The following KCNIP1 variants were observed in gnomAD, a reference collection of about 807,000 sequenced individuals.
The protein encoded by KCNIP1 is A-type potassium channel modulatory protein KCNIP1.
A neutral mutation model predicts 33.0 loss-of-function variants in KCNIP1; 18 were observed. The ratio of observed to expected loss-of-function variants is 0.55; its 90% CI spans 0.38 to 0.81. The LOEUF (loss-of-function observed/expected upper bound fraction) is 0.81. Among genes scored for constraint, KCNIP1 ranks in the 30% least tolerant of loss-of-function variants. KCNIP1 has a pLI of 0.00. For synonymous variants in KCNIP1, 93 were observed against 98.3 expected (o/e 0.95, Z 0.32); for missense variants, 238 against 271.6 (o/e 0.88, Z 0.87).
intron 1 of KCNIP1, among the ~76,000 whole-genome samples, chr5:170,705,481 G>T (rs1763228204): frequency 6.6e-6 from 1 of 152,180 alleles, no homozygotes; most frequent in Admixed American, 6.5e-5. Context: ...GCCAGAGCCA[G>T]GAAATGTCCT....
intron 1 of KCNIP1, among the ~76,000 whole-genome samples, chr5:170,515,008 G>A (rs771592969): frequency 4.6e-5 from 7 of 152,158 alleles, no homozygotes; most frequent in Non-Finnish European, 8.8e-5. Flanking sequence ...CTCACACTAT[G>A]AGAGACAGGC....
At chr5:170,367,951 TG>T (rs2113301692) in intron 1 of KCNIP1, among the ~76,000 whole-genome samples, 1 of 152,338 alleles carries the variant, frequency 6.6e-6, no homozygotes, top group East Asian at 1.9e-4. Context: ...TTTATAACAG[TG>T]AAAAACTGGA....
chr5:170,563,335 C>T lies in KCNIP1; in HGVS notation c.61+58702C>T, dbSNP rs1757098109. ...GTTGCTCAGTTTATTGGAATTACAT[C>T]CCAGTGGCTGCTATTGATGGAACTG... On this transcript the variant is annotated intron_variant, in intron 1 of 7. Transcript: ENST00000328939. Among the ~76,000 whole-genome samples the T allele has an allele frequency of 2.6e-5, 4 of 152,178 alleles. 1 individual carries two copies. The South Asian group carries it at 8.3e-4, about 32-fold the overall frequency.
chr5:170,711,456 C>A lies in KCNIP1; in HGVS notation c.62-7302C>A, dbSNP rs536097876. Among the ~76,000 whole-genome samples, 287 of 152,338 alleles carry A rather than the reference C, an allele frequency of 1.9e-3. 2 individuals carry two copies. Among genetic ancestry groups the A allele is most frequent in the Non-Finnish European group, 1.2e-3 (85 of 68,034 alleles). ...TACCAAAGCATTCAGGGTAGTGAAA[C>A]TATTCTGCGTAATGCTGTAACAGTG... On this transcript the variant is annotated intron_variant, in intron 1 of 7. Transcript: ENST00000328939.
At chr5:170,714,061 C>A (rs755302840) in intron 1 of KCNIP1, among the ~76,000 whole-genome samples, 1 of 151,784 alleles carries the variant, frequency 6.6e-6, no homozygotes, top group Non-Finnish European at 1.5e-5. Context: ...AGTATAAAGT[C>A]CAAATCAGAG....
At chr5:170,440,140 G>GAC (rs1176802137) in intron 1 of KCNIP1, among the ~76,000 whole-genome samples, 1 of 152,192 alleles carries the variant, frequency 6.6e-6, no homozygotes, top group Admixed American at 6.5e-5. Flanking sequence ...ACCACGTGAA[G>GAC]ACACGGAGAA....
At chr5:170,428,980 G>A (rs1755679758) in intron 1 of KCNIP1, among the ~76,000 whole-genome samples, 1 of 152,060 alleles carries the variant, frequency 6.6e-6, no homozygotes, top group South Asian at 2.1e-4. Context: ...ATAGCCTGAA[G>A]TGTTCAGAAC....
chr5:170,723,022 A>G (rs142042872), intron 5 of KCNIP1, among the ~76,000 whole-genome samples: 1 of 152,272 alleles, frequency 6.6e-6, no homozygotes, highest in East Asian at 1.9e-4. Flanking sequence ...AGAAAGGATT[A>G]AACAGATTCA....
chr5:170,728,889 A>G (rs1195616548), intron 5 of KCNIP1, among the ~76,000 whole-genome samples: 1 of 152,114 alleles, frequency 6.6e-6, no homozygotes, highest in Non-Finnish European at 1.5e-5. Context: ...GTTCTACCAG[A>G]TACTGAAATA....
At chr5:170,624,522 CTCCTA>C (rs1376522516) in intron 1 of KCNIP1, among the ~76,000 whole-genome samples, 2 of 151,996 alleles carry the variant, frequency 1.3e-5, no homozygotes, top group Non-Finnish European at 2.9e-5. Context: ...TCTGGCTATT[CTCCTA>C]TATTTCTGAT....
At chr5:170,411,641 T>TC (rs34173556) in intron 1 of KCNIP1, among the ~76,000 whole-genome samples, 2 of 151,534 alleles carry the variant, frequency 1.3e-5, no homozygotes, top group South Asian at 2.1e-4. Flanking sequence ...CATGATTATA[T>TC]CCCCCCAACA....
chr5:170,384,754 T>C (rs552326279), intron 1 of KCNIP1, among the ~76,000 whole-genome samples: 2 of 152,330 alleles, frequency 1.3e-5, no homozygotes, highest in African/African-American at 4.8e-5. Flanking sequence ...GTGGTTGATA[T>C]GTCATGGAGC....
chr5:170,381,467 A>G (rs1764237122), intron 1 of KCNIP1, among the ~76,000 whole-genome samples: 1 of 152,216 alleles, frequency 6.6e-6, no homozygotes, highest in Admixed American at 6.5e-5. Flanking sequence ...GTGATTCCAG[A>G]GGACACCCAG....
At chr5:170,360,642 C>A (rs1407762381) in intron 1 of KCNIP1, among the ~76,000 whole-genome samples, 2 of 152,202 alleles carry the variant, frequency 1.3e-5, no homozygotes, top group African/African-American at 4.8e-5. Flanking sequence ...CCCCCCTGCC[C>A]CCAGTCACTC....
At chr5:170,484,069 G>T (rs970977992) in intron 1 of KCNIP1, 3 of 152,308 alleles carry the variant, frequency 2.0e-5, no homozygotes, top group African/African-American at 7.2e-5. Flanking sequence ...GGAGCAGGGG[G>T]CACTCACATC....
chr5:170,453,062 A>G (rs1756293147), intron 1 of KCNIP1, among the ~76,000 whole-genome samples: 1 of 152,234 alleles, frequency 6.6e-6, no homozygotes, highest in Non-Finnish European at 1.5e-5. Flanking sequence ...AGTTTAAATT[A>G]TACGTCCGTG....
intron 1 of KCNIP1, among the ~76,000 whole-genome samples, chr5:170,589,266 T>C (rs1165231791): frequency 1.3e-5 from 2 of 152,204 alleles, no homozygotes; most frequent in African/African-American, 2.4e-5. Context: ...CCCAAAGTGC[T>C]GGGATTACAG....
intron 1 of KCNIP1, among the ~76,000 whole-genome samples, chr5:170,537,073 G>A (rs1756017093): frequency 6.6e-6 from 1 of 152,186 alleles, no homozygotes. Context: ...ACCCCCTCAG[G>A]TCCGTCCTTG....
At chr5:170,367,404 A>AGAAAGAAAGAAAGAAAG (rs1451738919) in intron 1 of KCNIP1, among the ~76,000 whole-genome samples, 2 of 122,624 alleles carry the variant, frequency 1.6e-5, no homozygotes, top group Non-Finnish European at 3.5e-5. Context: ...AAAGAAAGAA[A>AGAAAGAAAGAAAGAAAG]GAAAGAAAGA....
Sources: allele counts gnomAD v4.1 joint callset (sites outside exome capture counted in the v4.1 genomes callset), GRCh38; gene constraint gnomAD v4.1.1; transcripts MANE v1.5; gene names NCBI Gene and HGNC (gene_info 2026-07-23, HGNC 2026-07-21).